The following TRAM2 variants were observed in gnomAD, a reference collection of about 807,000 sequenced individuals.
TRAM2 encodes the protein translocation associated membrane protein 2.
Under a neutral mutation model 51.0 loss-of-function variants are expected in TRAM2, and 12 were observed. That is an observed-to-expected ratio of 0.24 (90% confidence interval 0.15 to 0.38). The LOEUF is 0.38. TRAM2 is among the 10% of genes least tolerant of loss of function. The pLI is 1.00. For missense variants in TRAM2, 361 were observed against 462.0 expected (o/e 0.78, Z 2.00); for synonymous variants, 175 against 179.4 (o/e 0.98, Z 0.20).
chr6:52,519,738 G>A (rs1254698242), intron 2 of TRAM2, among the ~76,000 whole-genome samples: 2 of 151,958 alleles, frequency 1.3e-5, no homozygotes, highest in Non-Finnish European at 1.5e-5. Flanking sequence ...TGGAAGCGAC[G>A]CAGGTGTCCA....
intron 1 of TRAM2, among the ~76,000 whole-genome samples, chr6:52,562,901 C>T (rs1339681822): frequency 6.6e-6 from 1 of 152,190 alleles, no homozygotes; most frequent in Non-Finnish European, 1.5e-5. Flanking sequence ...CATGGGTATA[C>T]AGTAAACAGT....
chr6:52,521,726 T>TAAAAC (rs1766679380), intron 2 of TRAM2, among the ~76,000 whole-genome samples: 5 of 149,568 alleles, frequency 3.3e-5, no homozygotes, highest in African/African-American at 9.8e-5. Flanking sequence ...TAAAATAAAA[T>TAAAAC]AAAACAAAAC....
At position 52,516,110 on chromosome 6, in the gene TRAM2, G is replaced by A. The variant is rs754282909; in HGVS notation, c.307C>T (p.Arg103Trp). Reference protein sequence around the residue: ...QEYILDKISKRLHLSKVKHSK... With the variant: ...QEYILDKISKWLHLSKVKHSK... The stretch of plus-strand genomic sequence containing the variant: ...TGTTTGACTTTGGAGAGATGAAGCC[G>A]TTTGCTGATTTTCTAAAGAATAAAG... Residue 103 changes from arginine (R) to tryptophan (W), a missense_variant, in exon 4 of 11, where the codon CGG becomes TGG. Coordinates refer to ENST00000182527, the MANE Select transcript of TRAM2 (RefSeq NM_012288.4). The A allele has an allele frequency of 1.1e-5, 17 of 1,613,732 alleles. No individual in the cohort carries two copies. The highest frequency in any genetic ancestry group is 2.2e-5 in the East Asian group (1 of 44,892).
Position 52,500,532 on chromosome 6 carries a change from T to TTTTG in TRAM2, c.*2664_*2665insCAAA, listed in dbSNP as rs1488449152. ...ATGGTCTCAGGGTTTTTTTTTGTTTTTTTTTTTTTTTTTACATAAAATAAA... is the reference window on the plus strand; with the variant it reads ...ATGGTCTCAGGGTTTTTTTTTGTTTTTTTGTTTTTTTTTTTTTACATAAAATAAA... On this transcript the variant is annotated 3_prime_UTR_variant, in exon 11 of 11. Transcript: ENST00000182527. 1 of 150,054 alleles carries TTTTG rather than the reference T, an allele frequency of 6.7e-6. No individual in the cohort carries two copies. Among genetic ancestry groups the TTTTG allele is most frequent in the African/African-American group, 2.4e-5 (1 of 40,886 alleles). The allele number at this position is 150,054 out of a possible 1,614,324, so 9.3% of individuals were successfully genotyped here.
intron 1 of TRAM2, among the ~76,000 whole-genome samples, chr6:52,573,228 C>A (rs1050378927): frequency 5.6e-4 from 85 of 152,108 alleles, no homozygotes; most frequent in Non-Finnish European, 1.1e-3. Flanking sequence ...AAACGTGGCA[C>A]AGAACAGGAC....
At chr6:52,505,069 C>T (rs1766321517) in intron 9 of TRAM2, among the ~76,000 whole-genome samples, 1 of 152,242 alleles carries the variant, frequency 6.6e-6, no homozygotes, top group African/African-American at 2.4e-5. Flanking sequence ...GCGCCCATTG[C>T]ACAGAACAAG....
intron 2 of TRAM2, chr6:52,529,937 T>A (rs1766855555): frequency 6.6e-6 from 1 of 152,172 alleles, no homozygotes; most frequent in Admixed American, 6.5e-5. Context: ...TGTGGTAGTT[T>A]AATTAGAAAG....
chr6:52,509,212 A>G (rs1403029043), intron 5 of TRAM2, among the ~76,000 whole-genome samples: 1 of 152,190 alleles, frequency 6.6e-6, no homozygotes, highest in African/African-American at 2.4e-5. Context: ...CACTCTGTGG[A>G]TGTCAGGGGG....
chr6:52,576,450 G>T lies in TRAM2; in HGVS notation c.120+346C>A, dbSNP rs866980901. On this transcript the variant is annotated intron_variant, in intron 1 of 10. Transcript: ENST00000182527. ...CTGGGAGTCTCTGGGCTTGGCTCCTGGACGCCAGAAAGGGAACCCCACGCG... is the reference window on the plus strand; with the variant it reads ...CTGGGAGTCTCTGGGCTTGGCTCCTTGACGCCAGAAAGGGAACCCCACGCG... 1.6e-4 allele frequency among the ~76,000 whole-genome samples: 25 copies of T among 152,224 alleles called. 1 individual carries two copies. Among genetic ancestry groups the T allele is most frequent in the African/African-American group, 5.8e-4 (24 of 41,460 alleles).
intron 2 of TRAM2, among the ~76,000 whole-genome samples, chr6:52,526,154 C>G (rs1332165943): frequency 4.0e-3 from 2 of 500 alleles, no homozygotes; most frequent in African/African-American, 0.014. Context: ...CACAGACAGA[C>G]ACACACACAC....
rs893841419 is a variant in TRAM2 at position 52,498,594 on chromosome 6, C to T, written c.*4603G>A. The T allele has an allele frequency of 2.5e-4, 38 of 152,310 alleles. 1 individual carries two copies. The highest frequency in any genetic ancestry group is 8.7e-4 in the African/African-American group (36 of 41,542). 9.4% of individuals were successfully genotyped at this position (152,310 alleles called of 1,614,324 possible). A position where few individuals can be genotyped will look rare whatever the true frequency, so the allele number is the denominator to read the frequency against. ...AGTGGGGGCTGGAAGCTCTGGGCTT[C>T]TCTTAATAGGTATGCTTGTGGTTGG... On this transcript the variant is annotated 3_prime_UTR_variant, in exon 11 of 11. Coordinates refer to ENST00000182527, the MANE Select transcript of TRAM2 (RefSeq NM_012288.4).
In TRAM2 at chr6:52,516,688, G is replaced by A. The variant is rs1766556009; in HGVS notation, c.234C>T (p.Ile78=). The A allele has an allele frequency of 6.2e-7, 1 of 1,614,194 alleles. No homozygotes were observed. The highest frequency in any genetic ancestry group is 1.7e-5 in the Admixed American group (1 of 60,022). The change falls in exon 3 of 11, where the codon ATC becomes ATT. Residue 78 remains isoleucine, a synonymous_variant. Coordinates refer to ENST00000182527, the MANE Select transcript of TRAM2 (RefSeq NM_012288.4). ...YHYGPKDLVT[I]LFYIFITIIL... ...TGATGGTGATGAAGATGTAGAACAAGATTGTGACCAGGTCCTTAGGGCCAT... is the reference window on the plus strand; with the variant it reads ...TGATGGTGATGAAGATGTAGAACAAAATTGTGACCAGGTCCTTAGGGCCAT...
At chr6:52,569,155 G>A (rs1370090278) in intron 1 of TRAM2, among the ~76,000 whole-genome samples, 1 of 152,188 alleles carries the variant, frequency 6.6e-6, no homozygotes, top group Non-Finnish European at 1.5e-5. Context: ...AACACTTTGG[G>A]AGGCCAAGGC....
At chr6:52,559,492 T>A (rs1180417339) in intron 1 of TRAM2, among the ~76,000 whole-genome samples, 1 of 152,234 alleles carries the variant, frequency 6.6e-6, no homozygotes, top group African/African-American at 2.4e-5. Flanking sequence ...TTCACTCATC[T>A]GTAAAAAGGG....
chr6:52,542,360 C>A (rs1430711867), intron 1 of TRAM2, among the ~76,000 whole-genome samples: 2 of 150,188 alleles, frequency 1.3e-5, no homozygotes, highest in African/African-American at 4.9e-5. Flanking sequence ...GGTATGTGGT[C>A]GGGGTGTGAT....
At chr6:52,531,042 A>G (rs1446341386) in intron 2 of TRAM2, among the ~76,000 whole-genome samples, 3 of 143,952 alleles carry the variant, frequency 2.1e-5, no homozygotes, top group African/African-American at 7.6e-5. Context: ...ACTAAAATTC[A>G]GTTTTAAATG....
In TRAM2 at chr6:52,506,698, C is replaced by A. The variant is rs114126813; in HGVS notation, c.627-562G>T. ...GACACATGACCATCCAACACAAGGG[C>A]AGAGCTGGCATCACCCCACAGCCTT... On this transcript the variant is annotated intron_variant, in intron 7 of 10. Coordinates refer to ENST00000182527, the MANE Select transcript of TRAM2 (RefSeq NM_012288.4). Among the ~76,000 whole-genome samples the A allele has an allele frequency of 3.1e-3, 468 of 152,284 alleles. 4 individuals carry two copies. Among genetic ancestry groups the A allele is most frequent in the African/African-American group, 0.011 (453 of 41,554 alleles).
chr6:52,557,698 G>A (rs185299198), intron 1 of TRAM2, among the ~76,000 whole-genome samples: 1 of 152,262 alleles, frequency 6.6e-6, no homozygotes, highest in East Asian at 1.9e-4. Flanking sequence ...GGGAAGAAGA[G>A]CCTGTGAGTT....
chr6:52,529,057 A>C (rs1581879742), intron 2 of TRAM2, among the ~76,000 whole-genome samples: 1 of 151,956 alleles, frequency 6.6e-6, no homozygotes, highest in East Asian at 1.9e-4. Flanking sequence ...CGCCCGGCTA[A>C]TTTTTTTGTA....
Sources: allele counts gnomAD v4.1 joint callset (sites outside exome capture counted in the v4.1 genomes callset), GRCh38; gene constraint gnomAD v4.1.1; transcripts MANE v1.5; gene names NCBI Gene and HGNC (gene_info 2026-07-23, HGNC 2026-07-21).